HMCN2: variants seen among roughly 807,000 people sequenced by gnomAD.
HMCN2 encodes the protein hemicentin 2.
A neutral mutation model predicts 377.5 loss-of-function variants in HMCN2; 325 were observed. The ratio of observed to expected loss-of-function variants is 0.86; its 90% CI spans 0.79 to 0.94. The LOEUF (loss-of-function observed/expected upper bound fraction) is 0.94. Ranked by LOEUF, HMCN2 falls within the 40% of genes least tolerant of loss-of-function variation. The pLI is 0.00. For synonymous variants in HMCN2, 2,007 were observed against 2,046.8 expected, an observed-to-expected ratio of 0.98 and a Z score of 0.53; for missense variants, 4,543 against 4,725.3, an observed-to-expected ratio of 0.96 and a Z score of 1.13.
chr9:130,325,373 G>A (rs1838079006), intron 19 of HMCN2, among the ~76,000 whole-genome samples: 1 of 152,172 alleles, frequency 6.6e-6, no homozygotes, highest in Non-Finnish European at 1.5e-5. Flanking sequence ...TGGGATTACA[G>A]GCATGAGCCA....
chr9:130,395,589 CT>C (rs1842570066), intron 71 of HMCN2, among the ~76,000 whole-genome samples: 1 of 152,218 alleles, frequency 6.6e-6, no homozygotes, highest in South Asian at 2.1e-4. Flanking sequence ...TATTCTCCCC[CT>C]GGCTCCTTCA....
rs1842431426 is a variant in HMCN2, at chr9:130,393,328, G to A, written c.10234+19G>A. 1.0e-6 allele frequency: 1 copy of A among 990,838 alleles called. No individual in the cohort carries two copies. The highest frequency in any genetic ancestry group is 1.2e-6 in the Non-Finnish European group (1 of 831,488). The allele number at this position is 990,838 out of a possible 1,614,324, so 61.4% of individuals were successfully genotyped here. A position where few individuals can be genotyped will look rare whatever the true frequency, so the allele number is the denominator to read the frequency against. ...GTGCAGGGTATGGAGCAGGGGGTGG[G>A]GCAAGGGGGTCTCTGGCCTTGGTGG... is the stretch of plus-strand genomic sequence containing the variant. On this transcript the variant is annotated intron_variant, in intron 67 of 97. Coordinates refer to ENST00000683500, the MANE Select transcript of HMCN2 (RefSeq NM_001291815.2). The surrounding 1 kb of genome is among the most constrained non-coding windows in gnomAD (Gnocchi z 5.2).
intron 77 of HMCN2, among the ~76,000 whole-genome samples, chr9:130,401,910 C>T (rs1034180155): frequency 1.3e-5 from 2 of 151,832 alleles, no homozygotes; most frequent in Admixed American, 6.6e-5. Context: ...CCCATGTCTA[C>T]AAACACATTT....
chr9:130,367,845 G>A (rs2131586962), intron 43 of HMCN2, among the ~76,000 whole-genome samples: 1 of 151,504 alleles, frequency 6.6e-6, no homozygotes, highest in South Asian at 2.1e-4. Flanking sequence ...GGGATGCTGA[G>A]GCATGAGAAT....
At chr9:130,410,694 C>T in intron 85 of HMCN2, 42 bp downstream of exon 85, 1 of 1,527,436 alleles carries the variant, frequency 6.5e-7, no homozygotes. Context: ...GGGAAGTGTG[C>T]TCGGGGACAG....
rs543579270 is a variant in HMCN2, at chr9:130,358,567, C to T, written c.5677+81C>T. 2.5e-4 allele frequency: 316 copies of T among 1,246,638 alleles called. No individual in the cohort carries two copies. In the African/African-American group the frequency reaches 3.9e-3, roughly 15 times the overall value. The allele number at this position is 1,246,638 out of a possible 1,614,324, so 77.2% of individuals were successfully genotyped here. A position where few individuals can be genotyped will look rare whatever the true frequency, so the allele number is the denominator to read the frequency against. Reference sequence around the variant, plus strand: ...GGACCCTTGGGGCTGAAGTGTGTGGCGAGGGAGGGGGAGGAGGTTTTTCAG... The same window carrying T: ...GGACCCTTGGGGCTGAAGTGTGTGGTGAGGGAGGGGGAGGAGGTTTTTCAG... On this transcript the variant is annotated intron_variant, in intron 36 of 97. Coordinates refer to ENST00000683500, the MANE Select transcript of HMCN2 (RefSeq NM_001291815.2).
intron 15 of HMCN2, among the ~76,000 whole-genome samples, chr9:130,313,250 G>A (rs2131374605): frequency 6.6e-6 from 1 of 151,918 alleles, no homozygotes; most frequent in East Asian, 1.9e-4. Flanking sequence ...GAATGGGTGT[G>A]TACTGTGCCC....
At chr9:130,424,345 ATTT>A (rs33954002) in intron 87 of HMCN2, among the ~76,000 whole-genome samples, 1 of 142,150 alleles carries the variant, frequency 7.0e-6, no homozygotes. Context: ...CGCCCGGCTA[ATTT>A]TTTTTTTTTT....
chr9:130,376,681 A>C, intron 52 of HMCN2, 23 bp downstream of exon 52: 5 of 985,794 alleles, frequency 5.1e-6, no homozygotes, highest in Non-Finnish European at 6.0e-6. Flanking sequence ...CCCCCTGCGC[A>C]GCTTCTGGCT....
At chr9:130,366,469 T>C (rs1161437784) in intron 43 of HMCN2, among the ~76,000 whole-genome samples, 1 of 38,160 alleles carries the variant, frequency 2.6e-5, no homozygotes, top group Admixed American at 2.3e-4. Context: ...CTTCACCAAT[T>C]TTTTTTTTTT....
At chr9:130,317,764 C>T (rs1269359062) in intron 15 of HMCN2, among the ~76,000 whole-genome samples, 4 of 146,872 alleles carry the variant, frequency 2.7e-5, no homozygotes, top group Admixed American at 2.0e-4. Context: ...CCAGCCTGGG[C>T]GACAGAGCGA....
At chr9:130,405,149 C>A in intron 81 of HMCN2, 90 bp downstream of exon 81, 1 of 890,784 alleles carries the variant, frequency 1.1e-6, no homozygotes, top group Non-Finnish European at 1.4e-6. Flanking sequence ...CAGCCTTTAA[C>A]CCTGGGAGCC....
Position 130,405,967 on chromosome 9 carries a change from G to A in HMCN2, c.12352G>A (p.Gly4118Ser). 1 of 1,286,514 alleles carries A rather than the reference G, an allele frequency of 7.8e-7. No homozygotes were observed. The highest frequency in any genetic ancestry group is 1.0e-6 in the Non-Finnish European group (1 of 986,266). 79.7% of individuals were successfully genotyped at this position (1,286,514 alleles called of 1,614,324 possible). A position where few individuals can be genotyped will look rare whatever the true frequency, so the allele number is the denominator to read the frequency against. Residue 4118 changes from glycine (G) to serine (S), a missense_variant, in exon 82 of 98, where the codon GGC becomes AGC. Gly to Ser is a moderately conservative substitution (Grantham distance 56). Around this residue, in one of 5 missense-constraint regions of HMCN2, gnomAD observed 1,073 missense variants for 1,319.5 expected, o/e 0.81. Coordinates refer to ENST00000683500, the MANE Select transcript of HMCN2 (RefSeq NM_001291815.2). ...TCTTTGCTCACAGGGCCAGGACGCA[G>A]GCACCTATACCTGTACCGCTGAGAA... is the stretch of plus-strand genomic sequence containing the variant. ...LVKNLEGQDA[G>S]TYTCTAENAV...
intron 1 of HMCN2, among the ~76,000 whole-genome samples, chr9:130,274,777 A>G (rs567810004): frequency 4.9e-4 from 75 of 152,272 alleles, no homozygotes; most frequent in African/African-American, 1.7e-3. Flanking sequence ...CCCCCCACAT[A>G]ATATGGCATG....
chr9:130,365,761 G>GC, intron 42 of HMCN2, 34 bp downstream of exon 42: 3 of 980,554 alleles, frequency 3.1e-6, no homozygotes, highest in Non-Finnish European at 3.6e-6. Flanking sequence ...GGGGGAGGGG[G>GC]CTGCTGCCTT....
chr9:130,383,974 TG>T (rs201703837), intron 57 of HMCN2, among the ~76,000 whole-genome samples: 1 of 152,074 alleles, frequency 6.6e-6, no homozygotes, highest in Non-Finnish European at 1.5e-5. Flanking sequence ...GGAGTGGGAT[TG>T]GGGGGGTCTC....
chr9:130,423,800 G>A lies in HMCN2; in HGVS notation c.13382-976G>A, dbSNP rs550320798. ...CATTTTTTGGTTCTTTTTTCAAACG[G>A]TTTGGAACAAACCGGGGCTGGTCCA... On this transcript the variant is annotated intron_variant, in intron 87 of 97. Transcript: ENST00000683500. The surrounding 1 kb of genome is among the most constrained non-coding windows in gnomAD (Gnocchi z 5.5). Among the ~76,000 whole-genome samples the A allele has an allele frequency of 3.6e-4, 55 of 152,284 alleles. No homozygotes were observed. Among genetic ancestry groups the A allele is most frequent in the African/African-American group, 1.3e-3 (54 of 41,562 alleles).
At chr9:130,412,009 T>C (rs1843446988) in intron 85 of HMCN2, among the ~76,000 whole-genome samples, 1 of 152,264 alleles carries the variant, frequency 6.6e-6, no homozygotes, top group Admixed American at 6.5e-5. Flanking sequence ...TCTGGCTCTG[T>C]TGCTCAGGCT....
chr9:130,371,042 G>T lies in HMCN2; in HGVS notation c.7148G>T (p.Cys2383Phe), dbSNP rs989368495. Residue 2383 changes from cysteine (C) to phenylalanine (F), a missense_variant, in exon 46 of 98, where the codon TGT becomes TTT. By Grantham distance (205) the Cys-to-Phe change is radical. Transcript: ENST00000683500. ...AALHSPLTLL[C>F]EAMGIPPPAI... ...TTGCACAGCCCCTTAACTCTGCTCT[G>T]TGAAGCCATGGGGATCCCACCTCCA... The T allele has an allele frequency of 2.1e-5, 21 of 985,830 alleles. No individual in the cohort carries two copies. Among genetic ancestry groups the T allele is most frequent in the Admixed American group, 6.1e-5 (1 of 16,268 alleles). 61.1% of individuals were successfully genotyped at this position (985,830 alleles called of 1,614,324 possible).
Sources: allele counts gnomAD v4.1 joint callset (sites outside exome capture counted in the v4.1 genomes callset), GRCh38; gene constraint gnomAD v4.1.1; regional missense constraint gnomAD v4.1.1; non-coding constraint Gnocchi (gnomAD v3.1); transcripts MANE v1.5; gene names NCBI Gene and HGNC (gene_info 2026-07-23, HGNC 2026-07-21).